PTPRM: variants seen among roughly 807,000 people sequenced by gnomAD.
PTPRM encodes the protein receptor-type tyrosine-protein phosphatase mu.
PTPRM carries 47 observed loss-of-function variants against 186.7 expected under a neutral mutation model. That is an observed-to-expected ratio of 0.25 (90% CI 0.20 to 0.32). The LOEUF (loss-of-function observed/expected upper bound fraction) is 0.32. Ranked by LOEUF, PTPRM falls within the 10% of genes least tolerant of loss-of-function variation. The probability of loss-of-function intolerance (pLI) is 1.00; values close to 1 mark genes in which losing one functional copy is unlikely to be tolerated. For synonymous variants in PTPRM, 668 were observed against 674.9 expected, an observed-to-expected ratio of 0.99 and a Z score of 0.16; for missense variants, 1,494 against 1,865.0, an observed-to-expected ratio of 0.80 and a Z score of 3.66.
intron 1 of PTPRM, among the ~76,000 whole-genome samples, chr18:7,690,454 CTTTTA>C (rs1407301269): frequency 1.3e-5 from 2 of 152,078 alleles, no homozygotes; most frequent in Non-Finnish European, 2.9e-5. Context: ...TTTATACTTT[CTTTTA>C]TTTGTTGGAA....
intron 2 of PTPRM, among the ~76,000 whole-genome samples, chr18:7,827,411 A>ATCC (rs1223711446): frequency 6.6e-6 from 1 of 152,170 alleles, no homozygotes; most frequent in Non-Finnish European, 1.5e-5. Flanking sequence ...GTAAAATAAA[A>ATCC]TGTGCATCTT....
intron 2 of PTPRM, among the ~76,000 whole-genome samples, chr18:7,777,148 A>G (rs2042627370): frequency 6.6e-6 from 1 of 152,082 alleles, no homozygotes. Flanking sequence ...AATTTTCTAA[A>G]CCTTTATGTA....
intron 4 of PTPRM, among the ~76,000 whole-genome samples, chr18:7,911,113 CCTT>C (rs1241598563): frequency 1.3e-5 from 2 of 152,210 alleles, no homozygotes; most frequent in Admixed American, 1.3e-4. Context: ...ATATTTCACT[CCTT>C]CTTAAAACCA....
intron 1 of PTPRM, among the ~76,000 whole-genome samples, chr18:7,690,642 A>C (rs2039712003): frequency 6.6e-6 from 1 of 152,208 alleles, no homozygotes; most frequent in Admixed American, 6.5e-5. Context: ...AGAGAAGTTT[A>C]TTCAGAATTT....
chr18:8,055,036 C>G (rs1277703659), intron 7 of PTPRM, among the ~76,000 whole-genome samples: 1 of 152,078 alleles, frequency 6.6e-6, no homozygotes, highest in Non-Finnish European at 1.5e-5. Flanking sequence ...TGCTTTTTCT[C>G]TCTAGATGCT....
chr18:7,913,923 A>G (rs2050411952), intron 4 of PTPRM, among the ~76,000 whole-genome samples: 1 of 152,172 alleles, frequency 6.6e-6, no homozygotes, highest in Non-Finnish European at 1.5e-5. Flanking sequence ...TGGGCAATAG[A>G]AAATAAGTCA....
At chr18:8,165,452 T>A (rs2093308499) in intron 14 of PTPRM, among the ~76,000 whole-genome samples, 1 of 152,256 alleles carries the variant, frequency 6.6e-6, no homozygotes, top group South Asian at 2.1e-4. Flanking sequence ...AAAGCTACAT[T>A]TGAAGCATGT....
At chr18:7,654,412 TTA>T (rs2038800271) in intron 1 of PTPRM, among the ~76,000 whole-genome samples, 1 of 152,160 alleles carries the variant, frequency 6.6e-6, no homozygotes, top group South Asian at 2.1e-4. Context: ...CCCCACAAGC[TTA>T]GTGTTCCAAT....
intron 8 of PTPRM, among the ~76,000 whole-genome samples, chr18:8,075,989 G>A (rs922795403): frequency 1.3e-5 from 2 of 151,898 alleles, no homozygotes; most frequent in Admixed American, 1.3e-4. Context: ...GAACATTTTT[G>A]TATATGTCTC....
chr18:8,111,905 T>C (rs1023337050), intron 11 of PTPRM, among the ~76,000 whole-genome samples: 2 of 152,176 alleles, frequency 1.3e-5, no homozygotes, highest in African/African-American at 4.8e-5. Context: ...ATGGTCACGC[T>C]TCCTTAGGCC....
chr18:8,340,943 C>T (rs982874647), intron 22 of PTPRM, among the ~76,000 whole-genome samples: 1 of 152,282 alleles, frequency 6.6e-6, no homozygotes, highest in African/African-American at 2.4e-5. Context: ...AGAACAGTCA[C>T]TGGGAAGCTA....
At chr18:7,792,334 TAA>T (rs1464812545) in intron 2 of PTPRM, among the ~76,000 whole-genome samples, 6 of 152,178 alleles carry the variant, frequency 3.9e-5, no homozygotes, top group Admixed American at 3.3e-4. Flanking sequence ...TAGAGGCATG[TAA>T]AGACTATTCT....
intron 20 of PTPRM, among the ~76,000 whole-genome samples, chr18:8,301,025 CTG>C (rs1364209331): frequency 1.3e-5 from 2 of 152,164 alleles, no homozygotes; most frequent in Admixed American, 1.3e-4. Flanking sequence ...AATTATGTAA[CTG>C]TAGAAAAGTC....
At chr18:8,238,537 C>G (rs1209294451) in intron 14 of PTPRM, among the ~76,000 whole-genome samples, 1 of 151,854 alleles carries the variant, frequency 6.6e-6, no homozygotes, top group African/African-American at 2.4e-5. Context: ...GACATTAGAG[C>G]TCATAGCATA....
chr18:8,194,870 T>C (rs1482890116), intron 14 of PTPRM, among the ~76,000 whole-genome samples: 1 of 152,240 alleles, frequency 6.6e-6, no homozygotes, highest in Non-Finnish European at 1.5e-5. Flanking sequence ...ATCTCTGTTT[T>C]GTCAGATCTG....
intron 1 of PTPRM, among the ~76,000 whole-genome samples, chr18:7,759,687 T>A (rs1450575268): frequency 6.6e-6 from 1 of 152,226 alleles, no homozygotes; most frequent in African/African-American, 2.4e-5. Context: ...TGTGGCCCTG[T>A]GCACAATAGG....
At position 8,363,263 on chromosome 18, in the gene PTPRM, G is replaced by A. The variant is rs191329740; in HGVS notation, c.3055-7627G>A. 1.4e-4 allele frequency among the ~76,000 whole-genome samples: 21 copies of A among 152,260 alleles called. No individual in the cohort carries two copies. In the South Asian group the frequency reaches 1.7e-3, roughly 12 times the overall value. On this transcript the variant is annotated intron_variant, in intron 23 of 32. Transcript: ENST00000580170. ...CTTACCCCACAAAGTTAATGGGAGC[G>A]GGCGTATAATCAGATAGCGTTAGGA...
At chr18:7,955,492 C>G (rs1377652355) in intron 7 of PTPRM, 78 bp downstream of exon 7, 9 of 1,490,794 alleles carry the variant, frequency 6.0e-6, no homozygotes, top group Non-Finnish European at 7.2e-6. Flanking sequence ...TGATCAGATG[C>G]CTAGCACGCT....
intron 21 of PTPRM, among the ~76,000 whole-genome samples, chr18:8,316,733 T>C (rs2095311417): frequency 6.6e-6 from 1 of 152,134 alleles, no homozygotes; most frequent in Non-Finnish European, 1.5e-5. Context: ...TTGTATGTAC[T>C]GCAGAGAAAA....
Sources: allele counts gnomAD v4.1 joint callset (sites outside exome capture counted in the v4.1 genomes callset), GRCh38; gene constraint gnomAD v4.1.1; transcripts MANE v1.5; gene names NCBI Gene and HGNC (gene_info 2026-07-23, HGNC 2026-07-21).